ZDHHC14: variants seen among roughly 807,000 people sequenced by gnomAD.
ZDHHC14 encodes the protein palmitoyltransferase ZDHHC14.
ZDHHC14 carries 16 observed loss-of-function variants against 47.7 expected under a neutral mutation model. That is an observed-to-expected ratio of 0.34 (90% CI 0.23 to 0.51). The LOEUF (loss-of-function observed/expected upper bound fraction) is 0.51, where lower values mean the gene tolerates loss of function less well. ZDHHC14 is among the 20% of genes least tolerant of loss of function. The probability of loss-of-function intolerance (pLI) is 0.97; values close to 1 mark genes in which losing one functional copy is unlikely to be tolerated. For missense variants in ZDHHC14, 515 were observed against 662.5 expected (o/e 0.78, Z 2.44); for synonymous variants, 293 against 278.9 (o/e 1.05, Z -0.50).
At chr6:157,620,696 A>G (rs1193049236) in intron 3 of ZDHHC14, among the ~76,000 whole-genome samples, 1 of 152,194 alleles carries the variant, frequency 6.6e-6, no homozygotes, top group Non-Finnish European at 1.5e-5. Context: ...TTGTGGCCAC[A>G]TTCCTGCTGC....
At chr6:157,492,585 C>T (rs1385648499) in intron 1 of ZDHHC14, among the ~76,000 whole-genome samples, 1 of 152,232 alleles carries the variant, frequency 6.6e-6, no homozygotes, top group African/African-American at 2.4e-5. Flanking sequence ...GTTTCTTGTC[C>T]ATTCAATCCA....
At chr6:157,653,292 G>A (rs1032252415) in intron 7 of ZDHHC14, among the ~76,000 whole-genome samples, 4 of 152,118 alleles carry the variant, frequency 2.6e-5, no homozygotes, top group South Asian at 2.1e-4. Flanking sequence ...CTGAGCAGGC[G>A]ACACGCCCTT....
At chr6:157,667,969 C>T (rs1008753054) in intron 8 of ZDHHC14, among the ~76,000 whole-genome samples, 2 of 152,248 alleles carry the variant, frequency 1.3e-5, no homozygotes, top group Non-Finnish European at 2.9e-5. Context: ...CGCCAGTGCT[C>T]TCTTCTGAGC....
At chr6:157,575,896 G>A (rs1053806551) in intron 2 of ZDHHC14, among the ~76,000 whole-genome samples, 5 of 152,182 alleles carry the variant, frequency 3.3e-5, no homozygotes, top group African/African-American at 1.2e-4. Context: ...AGGCAAACTG[G>A]GCTGGAACAC....
intron 3 of ZDHHC14, among the ~76,000 whole-genome samples, chr6:157,601,426 G>T (rs969857276): frequency 6.6e-6 from 1 of 152,048 alleles, no homozygotes; most frequent in African/African-American, 2.4e-5. Context: ...TAGCTGACAA[G>T]AGCAATAATA....
At chr6:157,532,215 GCAATCTGAAA>G (rs1457730962) in intron 1 of ZDHHC14, among the ~76,000 whole-genome samples, 10 of 152,362 alleles carry the variant, frequency 6.6e-5, no homozygotes, top group African/African-American at 2.2e-4. Flanking sequence ...TGTTCAGTGT[GCAATCTGAAA>G]CAAGGCAGGG....
intron 7 of ZDHHC14, among the ~76,000 whole-genome samples, chr6:157,653,154 T>C (rs1213155108): frequency 6.6e-6 from 1 of 152,170 alleles, no homozygotes; most frequent in Admixed American, 6.5e-5. Flanking sequence ...CAACGTTTGC[T>C]GAGTGAATGT....
chr6:157,542,727 G>C lies in ZDHHC14; in HGVS notation c.388G>C (p.Asp130His). The change falls in exon 2 of 9, where the codon GAT (aspartate) becomes CAT (histidine). Residue 130 changes from aspartate (D) to histidine (H), a missense_variant. Physicochemically the swap from Asp to His is moderately conservative, Grantham distance 81 (BLOSUM62 -1). This residue lies in a region of ZDHHC14 where 229 missense variants were observed against 351.5 expected (regional missense o/e 0.65). Coordinates refer to ENST00000359775, the MANE Select transcript of ZDHHC14 (RefSeq NM_024630.3). ...ACGAGCCACGCCTGATGAAGCCGCC[G>C]ATCTGGAAAGGCAAATAGGTAACAC... is the stretch of plus-strand genomic sequence containing the variant. Reference protein sequence around the residue: ...LPRATPDEAADLERQIDIANG... With the variant: ...LPRATPDEAAHLERQIDIANG... 1.2e-6 allele frequency: 2 copies of C among 1,614,068 alleles called. No homozygotes were observed. Among genetic ancestry groups the C allele is most frequent in the Middle Eastern group, 3.3e-4 (2 of 6,050 alleles).
rs1783557765 is a variant in ZDHHC14 at position 157,582,660 on chromosome 6, A to G, written c.407-10328A>G. Among the ~76,000 whole-genome samples the G allele has an allele frequency of 6.6e-6, 1 of 151,902 alleles. No homozygotes were observed. Among genetic ancestry groups the G allele is most frequent in the African/African-American group, 2.4e-5 (1 of 41,318 alleles). On this transcript the variant is annotated intron_variant, in intron 2 of 8. Coordinates refer to ENST00000359775, the MANE Select transcript of ZDHHC14 (RefSeq NM_024630.3). This position sits in a 1 kb window ranked among gnomAD's most constrained non-coding sequence, Gnocchi z 4.3. ...CCTCTTCTCTCTACATTTCTTTAACATTGTTTCTCTCATTTTCATCTTGGA... is the reference window on the plus strand; with the variant it reads ...CCTCTTCTCTCTACATTTCTTTAACGTTGTTTCTCTCATTTTCATCTTGGA...
intron 2 of ZDHHC14, among the ~76,000 whole-genome samples, chr6:157,570,003 A>G (rs1298232676): frequency 6.6e-6 from 1 of 152,206 alleles, no homozygotes; most frequent in Non-Finnish European, 1.5e-5. Context: ...AAAAGAAAAG[A>G]GCTTAGGACC....
intron 1 of ZDHHC14, among the ~76,000 whole-genome samples, chr6:157,420,972 A>C (rs1044722097): frequency 2.0e-5 from 3 of 152,222 alleles, no homozygotes; most frequent in Non-Finnish European, 4.4e-5. Flanking sequence ...ATCTGAGTTA[A>C]GCTAGCTTCA....
intron 1 of ZDHHC14, among the ~76,000 whole-genome samples, chr6:157,426,289 T>C (rs1357601792): frequency 1.3e-5 from 2 of 152,100 alleles, no homozygotes; most frequent in African/African-American, 2.4e-5. Flanking sequence ...TAGGATGACC[T>C]AAGGACTCGA....
intron 2 of ZDHHC14, chr6:157,592,746 A>G (rs1048514986): frequency 3.9e-6 from 5 of 1,267,824 alleles, no homozygotes; most frequent in Non-Finnish European, 5.0e-6. Flanking sequence ...GGGTGGGGCC[A>G]TGTGTGCTGT....
intron 3 of ZDHHC14, among the ~76,000 whole-genome samples, chr6:157,613,006 A>G (rs963136351): frequency 6.6e-6 from 1 of 152,158 alleles, no homozygotes; most frequent in African/African-American, 2.4e-5. Context: ...TCAGACTCCA[A>G]GAGAAATGAT....
chr6:157,545,242 T>G (rs1562472732), intron 2 of ZDHHC14, among the ~76,000 whole-genome samples: 1 of 151,824 alleles, frequency 6.6e-6, no homozygotes, highest in African/African-American at 2.4e-5. Flanking sequence ...GGGAGCTTGT[T>G]GGGATTATGA....
At chr6:157,542,309 A>G (rs1781796093) in intron 1 of ZDHHC14, among the ~76,000 whole-genome samples, 1 of 152,198 alleles carries the variant, frequency 6.6e-6, no homozygotes, top group African/African-American at 2.4e-5. Flanking sequence ...TGATTATACA[A>G]GCAGGACTAT....
chr6:157,644,973 G>A (rs943622204), intron 5 of ZDHHC14, among the ~76,000 whole-genome samples: 2 of 152,122 alleles, frequency 1.3e-5, no homozygotes, highest in Non-Finnish European at 2.9e-5. Flanking sequence ...TGTTGGACAC[G>A]TCTTGTGGAA....
chr6:157,383,737 G>T (rs1051527871), intron 1 of ZDHHC14, among the ~76,000 whole-genome samples: 2 of 152,182 alleles, frequency 1.3e-5, no homozygotes, highest in Admixed American at 1.3e-4. Flanking sequence ...GGTCCCCCTT[G>T]ATGTTTAGGT....
intron 3 of ZDHHC14, among the ~76,000 whole-genome samples, chr6:157,606,631 G>A (rs1784549308): frequency 6.6e-6 from 1 of 152,212 alleles, no homozygotes; most frequent in Non-Finnish European, 1.5e-5. Context: ...AAGCCGGGTG[G>A]GTGATCAGTT....
Sources: allele counts gnomAD v4.1 joint callset (sites outside exome capture counted in the v4.1 genomes callset), GRCh38; gene constraint gnomAD v4.1.1; regional missense constraint gnomAD v4.1.1; non-coding constraint Gnocchi (gnomAD v3.1); transcripts MANE v1.5; gene names NCBI Gene and HGNC (gene_info 2026-07-23, HGNC 2026-07-21).